ZC3H12D: variants seen among roughly 807,000 people sequenced by gnomAD.
ZC3H12D encodes zinc finger CCCH-type containing 12D, also known as probable ribonuclease ZC3H12D.
In ZC3H12D, 11 loss-of-function variants were observed where a neutral mutation model predicts 24.2. The ratio of observed to expected loss-of-function variants is 0.46; its 90% CI spans 0.29 to 0.75. ZC3H12D has a LOEUF of 0.75. ZC3H12D is among the 30% of genes least tolerant of loss of function. The probability of loss-of-function intolerance (pLI) is 0.11; values close to 1 mark genes in which losing one functional copy is unlikely to be tolerated. For synonymous variants in ZC3H12D, 333 were observed against 341.8 expected (o/e 0.97, Z 0.28); for missense variants, 740 against 767.7 (o/e 0.96, Z 0.43).
At chr6:149,462,067 G>A in intron 2 of ZC3H12D, 97 bp from the exon 3 acceptor site, 3 of 1,431,022 alleles carry the variant, frequency 2.1e-6, no homozygotes, top group Non-Finnish European at 2.8e-6. Context: ...ATAATCAAGA[G>A]GGAACCAGGA....
At position 149,474,485 on chromosome 6, in the gene ZC3H12D, A is replaced by G; in HGVS notation, c.59T>C (p.Val20Ala). The change falls in exon 2 of 6, where the codon GTG (valine) becomes GCG (alanine). Residue 20 changes from valine to alanine, a missense_variant. By Grantham distance (64) the Val-to-Ala change is moderately conservative. Coordinates refer to ENST00000409806, the MANE Select transcript of ZC3H12D (RefSeq NM_207360.3). ...GCCCAGCTTGCCCAACACCCGGAGC[A>G]CATCCTCCCGGTCATAGCCCAGCTT... ...FQKLGYDRED[V>A]LRVLGKLGEG... 1 of 1,576,862 alleles carries G rather than the reference A, an allele frequency of 6.3e-7. No homozygotes were observed. The highest frequency in any genetic ancestry group is 8.7e-7 in the Non-Finnish European group (1 of 1,154,974).
intron 1 of ZC3H12D, among the ~76,000 whole-genome samples, chr6:149,482,637 G>A (rs1261960273): frequency 1.1e-4 from 16 of 152,198 alleles, no homozygotes; most frequent in Admixed American, 1.0e-3. Flanking sequence ...CAATACAGGG[G>A]AGGGGTCCCG....
At chr6:149,460,744 C>T (rs1226940915) in intron 3 of ZC3H12D, among the ~76,000 whole-genome samples, 2 of 151,914 alleles carry the variant, frequency 1.3e-5, no homozygotes, top group African/African-American at 2.4e-5. Context: ...GCAGGAGAAT[C>T]GCTTGAACCT....
At chr6:149,483,154 CAG>C (rs2115016392) in intron 1 of ZC3H12D, 2 of 152,356 alleles carry the variant, frequency 1.3e-5, no homozygotes, top group East Asian at 1.9e-4. Flanking sequence ...AGAGGCCAAA[CAG>C]AAAGTTTCTG....
chr6:149,447,268 G>C lies in ZC3H12D; in HGVS notation c.*3415C>G, dbSNP rs1248431980. The C allele has an allele frequency of 6.6e-6, 1 of 152,260 alleles. No individual in the cohort carries two copies. The highest frequency in any genetic ancestry group is 2.4e-5 in the African/African-American group (1 of 41,406). 9.4% of individuals were successfully genotyped at this position (152,260 alleles called of 1,614,324 possible). A position where few individuals can be genotyped will look rare whatever the true frequency, so the allele number is the denominator to read the frequency against. On this transcript the variant is annotated 3_prime_UTR_variant, in exon 6 of 6. Transcript: ENST00000409806. ...CTACTTTTTTTTGTTTTTTGAGACA[G>C]AGTCTCACTCTGTCGCTCAGGCTGG...
rs913328578 is a variant in ZC3H12D at position 149,447,041 on chromosome 6, G to A, written c.*3642C>T. 6.6e-6 allele frequency: 1 copy of A among 152,238 alleles called. No individual in the cohort carries two copies. The highest frequency in any genetic ancestry group is 6.5e-5 in the Admixed American group (1 of 15,286). The allele number at this position is 152,238 out of a possible 1,614,324, so 9.4% of individuals were successfully genotyped here. A position where few individuals can be genotyped will look rare whatever the true frequency, so the allele number is the denominator to read the frequency against. On this transcript the variant is annotated 3_prime_UTR_variant, in exon 6 of 6. Transcript: ENST00000409806. ...TGAGATGGCTTCATAGTTCTATAAT[G>A]AGGATTTTAGAAGTCTAGGAAATGG...
In ZC3H12D at chr6:149,474,487, A is replaced by G; in HGVS notation, c.57T>C (p.Asp19=). ...FFQKLGYDRE[D]VLRVLGKLGE... is the part of the protein sequence containing the mutation. ...CCAGCTTGCCCAACACCCGGAGCAC[A>G]TCCTCCCGGTCATAGCCCAGCTTCT... Residue 19 remains aspartate (D), a synonymous_variant, in exon 2 of 6, where the codon GAT becomes GAC. Transcript: ENST00000409806. The G allele has an allele frequency of 1.3e-6, 2 of 1,574,248 alleles. No individual in the cohort carries two copies. The highest frequency in any genetic ancestry group is 1.7e-6 in the Non-Finnish European group (2 of 1,153,432).
Position 149,456,932 on chromosome 6 carries a change from G to T in ZC3H12D, c.446-32C>A, listed in dbSNP as rs939297384. ...GCGGGGCGACGGAGACGCGGGTGAGGGCCCAAGGGCACCGCCCCTGAGAAC... is the reference window on the plus strand; with the variant it reads ...GCGGGGCGACGGAGACGCGGGTGAGTGCCCAAGGGCACCGCCCCTGAGAAC... On this transcript the variant is annotated intron_variant, in intron 3 of 5. Transcript: ENST00000409806. The surrounding 1 kb of genome is among the most constrained non-coding windows in gnomAD (Gnocchi z 4.3). 1 of 1,577,882 alleles carries T rather than the reference G, an allele frequency of 6.3e-7. No homozygotes were observed. Among genetic ancestry groups the T allele is most frequent in the Non-Finnish European group, 8.6e-7 (1 of 1,163,724 alleles).
intron 3 of ZC3H12D, chr6:149,459,450 A>G: frequency 1.7e-6 from 1 of 604,552 alleles, no homozygotes; most frequent in Non-Finnish European, 3.0e-6. Context: ...GAAGACAGAA[A>G]GCAGAGAGGA....
Position 149,450,667 on chromosome 6 carries a change from A to C in ZC3H12D, c.*16T>G. 2.0e-6 allele frequency: 3 copies of C among 1,501,690 alleles called. No individual in the cohort carries two copies. The East Asian group carries it at 7.5e-5, about 38-fold the overall frequency. 93.0% of individuals were successfully genotyped at this position (1,501,690 alleles called of 1,614,324 possible). On this transcript the variant is annotated 3_prime_UTR_variant, in exon 6 of 6. Coordinates refer to ENST00000409806, the MANE Select transcript of ZC3H12D (RefSeq NM_207360.3). ...AGGCGAGGCTGGGCCATTCCCTGCA[A>C]GTGCGTGTTGGTCCCTTAGGGCTTG...
At position 149,482,647 on chromosome 6, in the gene ZC3H12D, G is replaced by A. The variant is rs149324638; in HGVS notation, c.-71+2166C>T. On this transcript the variant is annotated intron_variant, in intron 1 of 5. Coordinates refer to ENST00000409806, the MANE Select transcript of ZC3H12D (RefSeq NM_207360.3). ...TCAGCCAATACAGGGGAGGGGTCCC[G>A]GGTTCTAGTTTGCAGCCTCTGACTA... Among the ~76,000 whole-genome samples, 366 of 152,276 alleles carry A rather than the reference G, an allele frequency of 2.4e-3. 2 individuals carry two copies. The highest frequency in any genetic ancestry group is 7.8e-3 in the African/African-American group (326 of 41,548).
At chr6:149,458,261 G>A (rs896121565) in intron 3 of ZC3H12D, among the ~76,000 whole-genome samples, 2 of 148,088 alleles carry the variant, frequency 1.4e-5, no homozygotes, top group African/African-American at 5.0e-5. Flanking sequence ...TCAGCCTTCC[G>A]TGCAGCTAGG....
intron 2 of ZC3H12D, among the ~76,000 whole-genome samples, chr6:149,468,300 A>G (rs1481729918): frequency 6.6e-6 from 1 of 152,184 alleles, no homozygotes; most frequent in Non-Finnish European, 1.5e-5. Context: ...AGTTTTGAAT[A>G]ACCAAAGGTA....
In ZC3H12D at chr6:149,456,990, C is replaced by T; in HGVS notation, c.446-90G>A. On this transcript the variant is annotated intron_variant, in intron 3 of 5. Coordinates refer to ENST00000409806, the MANE Select transcript of ZC3H12D (RefSeq NM_207360.3). This position sits in a 1 kb window ranked among gnomAD's most constrained non-coding sequence, Gnocchi z 4.3. ...AACGCGAGGCCACCCGCTTCCCGGG[C>T]CGGTCAGATGAGGTTTTGAGGGGAG... 7.6e-7 allele frequency: 1 copy of T among 1,324,072 alleles called. No individual in the cohort carries two copies. Among genetic ancestry groups the T allele is most frequent in the Non-Finnish European group, 1.0e-6 (1 of 964,704 alleles). The allele number at this position is 1,324,072 out of a possible 1,614,324, so 82.0% of individuals were successfully genotyped here.
rs1775878502 is a variant in ZC3H12D, at chr6:149,450,873, A to C, written c.1394T>G (p.Leu465Arg). Reference sequence around the variant, plus strand: ...GTCGTCCTCGGTCGCGTACACTGAAAGTCCCCCAGTGGCGCCGTCGCCCCA... The same window carrying C: ...GTCGTCCTCGGTCGCGTACACTGAACGTCCCCCAGTGGCGCCGTCGCCCCA... Reference protein sequence around the residue: ...PAWGDGATGGLSVYATEDDEG... With the variant: ...PAWGDGATGGRSVYATEDDEG... The change falls in exon 6 of 6, where the codon CTT (leucine) becomes CGT (arginine). Residue 465 changes from leucine (L) to arginine (R), a missense_variant. Transcript: ENST00000409806. 1.9e-6 allele frequency: 3 copies of C among 1,542,158 alleles called. No homozygotes were observed. The highest frequency in any genetic ancestry group is 2.6e-6 in the Non-Finnish European group (3 of 1,146,612).
Position 149,448,711 on chromosome 6 carries a change from C to G in ZC3H12D, c.*1972G>C, listed in dbSNP as rs557540905. ...GGGTAAGGAACAGATCTGGCTCAATCCATGCTAAGAATCTGGTTTTAAAAG... is the reference window on the plus strand; with the variant it reads ...GGGTAAGGAACAGATCTGGCTCAATGCATGCTAAGAATCTGGTTTTAAAAG... On this transcript the variant is annotated 3_prime_UTR_variant, in exon 6 of 6. Coordinates refer to ENST00000409806, the MANE Select transcript of ZC3H12D (RefSeq NM_207360.3). 6.6e-6 allele frequency: 1 copy of G among 152,328 alleles called. No homozygotes were observed. The highest frequency in any genetic ancestry group is 2.1e-4 in the South Asian group (1 of 4,826). The allele number at this position is 152,328 out of a possible 1,614,324, so 9.4% of individuals were successfully genotyped here.
intron 2 of ZC3H12D, among the ~76,000 whole-genome samples, chr6:149,465,746 C>T (rs552420773): frequency 1.5e-5 from 2 of 133,008 alleles, no homozygotes; most frequent in African/African-American, 3.3e-5. Flanking sequence ...CAGAGCGAGA[C>T]GCCATCTCAA....
intron 2 of ZC3H12D, among the ~76,000 whole-genome samples, chr6:149,468,067 C>T (rs553631115): frequency 2.6e-5 from 4 of 152,268 alleles, no homozygotes; most frequent in Admixed American, 2.0e-4. Flanking sequence ...CCACAACCTC[C>T]ACCTCCCAGG....
intron 3 of ZC3H12D, among the ~76,000 whole-genome samples, chr6:149,458,128 C>CTTTTTTTTTTTTTTTTTTTTTTTTT (rs1189920889): frequency 1.5e-4 from 6 of 39,758 alleles, no homozygotes; most frequent in African/African-American, 2.1e-4. Context: ...TTTTTCGTTT[C>CTTTTTTTTTTTTTTTTTTTTTTTTT]TTTTTTTTTT....
Sources: allele counts gnomAD v4.1 joint callset (sites outside exome capture counted in the v4.1 genomes callset), GRCh38; gene constraint gnomAD v4.1.1; non-coding constraint Gnocchi (gnomAD v3.1); transcripts MANE v1.5; gene names NCBI Gene and HGNC (gene_info 2026-07-23, HGNC 2026-07-21).